The following SGCZ variants were observed in gnomAD, a reference collection of about 807,000 sequenced individuals.
The protein encoded by SGCZ is sarcoglycan zeta, also known as zeta-sarcoglycan.
SGCZ carries 40 observed loss-of-function variants against 41.3 expected under a neutral mutation model. The observed-to-expected ratio is 0.97, with a 90% CI of 0.75 to 1.26. SGCZ has a LOEUF of 1.26. Ranked by LOEUF, SGCZ falls within the 50% of genes most tolerant of loss-of-function variation. The pLI is 0.00. For synonymous variants in SGCZ, 206 were observed against 137.5 expected, an observed-to-expected ratio of 1.50 and a Z score of -3.49; for missense variants, 552 against 369.8, an observed-to-expected ratio of 1.49 and a Z score of -4.04.
chr8:14,796,159 G>C (rs888255946), intron 1 of SGCZ, among the ~76,000 whole-genome samples: 2 of 152,204 alleles, frequency 1.3e-5, no homozygotes, highest in African/African-American at 2.4e-5. Flanking sequence ...CTTTATAATA[G>C]AAGGGTTTAT....
intron 2 of SGCZ, among the ~76,000 whole-genome samples, chr8:14,398,485 AG>A (rs562216039): frequency 1.6e-4 from 25 of 152,286 alleles, no homozygotes; most frequent in African/African-American, 2.6e-4. Context: ...CAACAATTAT[AG>A]AACTTTATTT....
At chr8:14,291,363 C>T (rs939740824) in intron 3 of SGCZ, among the ~76,000 whole-genome samples, 16 of 151,946 alleles carry the variant, frequency 1.1e-4, no homozygotes, top group Admixed American at 2.0e-4. Flanking sequence ...ATTACCTTGA[C>T]TTCATCAATA....
intron 1 of SGCZ, among the ~76,000 whole-genome samples, chr8:14,635,770 T>C (rs1806806606): frequency 6.6e-6 from 1 of 151,868 alleles, no homozygotes; most frequent in South Asian, 2.1e-4. Flanking sequence ...GCACAGAGGG[T>C]CTTAGAACAT....
intron 3 of SGCZ, among the ~76,000 whole-genome samples, chr8:14,318,470 C>G (rs1342450179): frequency 6.6e-6 from 1 of 151,810 alleles, no homozygotes; most frequent in African/African-American, 2.4e-5. Context: ...AATCCCTACC[C>G]AAACCTAACC....
intron 1 of SGCZ, among the ~76,000 whole-genome samples, chr8:14,849,593 C>A (rs1191408434): frequency 2.0e-5 from 3 of 152,070 alleles, no homozygotes; most frequent in Non-Finnish European, 4.4e-5. Context: ...AAAATGCAAA[C>A]TAATCTATCA....
intron 1 of SGCZ, among the ~76,000 whole-genome samples, chr8:15,097,819 T>TATATATATATATAC (rs1585559576): frequency 5.3e-5 from 3 of 56,560 alleles, no homozygotes; most frequent in South Asian, 4.6e-4. Context: ...TATATACGTG[T>TATATATATATATAC]GTGTATATAT....
intron 7 of SGCZ, among the ~76,000 whole-genome samples, chr8:14,101,776 TAAA>T (rs879661919): frequency 7.1e-6 from 1 of 141,808 alleles, no homozygotes; most frequent in African/African-American, 2.6e-5. Flanking sequence ...TAACAAGAAT[TAAA>T]AAAAAAAAAA....
chr8:14,136,122 A>G (rs1803189623), intron 5 of SGCZ, among the ~76,000 whole-genome samples: 1 of 152,190 alleles, frequency 6.6e-6, no homozygotes, highest in African/African-American at 2.4e-5. Context: ...AAAAAGCACT[A>G]CATACCACAG....
intron 1 of SGCZ, among the ~76,000 whole-genome samples, chr8:15,218,757 T>C (rs1226436937): frequency 6.6e-6 from 1 of 152,232 alleles, no homozygotes; most frequent in East Asian, 1.9e-4. Flanking sequence ...GGATGGATAG[T>C]TCTGTGTGAA....
At chr8:14,219,727 C>T (rs913098212) in intron 4 of SGCZ, among the ~76,000 whole-genome samples, 5 of 147,828 alleles carry the variant, frequency 3.4e-5, no homozygotes, top group East Asian at 2.0e-4. Flanking sequence ...AGCCTGGCGA[C>T]AGAGTGAGAC....
chr8:15,229,544 C>T (rs1801881579), intron 1 of SGCZ, among the ~76,000 whole-genome samples: 1 of 152,120 alleles, frequency 6.6e-6, no homozygotes, highest in Non-Finnish European at 1.5e-5. Flanking sequence ...ACAACTAATT[C>T]TAGTAGTAAG....
chr8:14,238,592 G>C (rs1307913565), intron 3 of SGCZ, among the ~76,000 whole-genome samples: 1 of 152,102 alleles, frequency 6.6e-6, no homozygotes, highest in Non-Finnish European at 1.5e-5. Context: ...TCACATATTA[G>C]GCTTCTGTCA....
At chr8:15,172,834 A>C (rs115581456) in intron 1 of SGCZ, among the ~76,000 whole-genome samples, 2,072 of 152,334 alleles carry the variant, frequency 0.014, 51 homozygotes, top group African/African-American at 0.047. Context: ...ATTTTACCTG[A>C]ATTCTTCATA....
intron 2 of SGCZ, among the ~76,000 whole-genome samples, chr8:14,331,854 G>C (rs1164844381): frequency 6.6e-6 from 1 of 151,518 alleles, no homozygotes; most frequent in Non-Finnish European, 1.5e-5. Flanking sequence ...TTAAAAGCAT[G>C]ATAAAAAAAT....
At chr8:14,573,228 C>G (rs1335142843) in intron 1 of SGCZ, among the ~76,000 whole-genome samples, 1 of 125,060 alleles carries the variant, frequency 8.0e-6, no homozygotes, top group Non-Finnish European at 1.6e-5. Context: ...GACGGAGTCT[C>G]GCTCTGTCGC....
At chr8:14,759,008 C>CA (rs760673509) in intron 1 of SGCZ, among the ~76,000 whole-genome samples, 3,834 of 112,448 alleles carry the variant, frequency 0.034, 112 homozygotes, top group South Asian at 0.099. Flanking sequence ...AACTCCATCT[C>CA]AAAAAAAAAA....
intron 1 of SGCZ, among the ~76,000 whole-genome samples, chr8:14,817,315 C>T (rs974631233): frequency 8.6e-5 from 13 of 152,008 alleles, no homozygotes; most frequent in East Asian, 1.9e-4. Context: ...AGCAGATCTC[C>T]GGTGGTCATC....
At chr8:14,795,629 T>C (rs1801097787) in intron 1 of SGCZ, among the ~76,000 whole-genome samples, 1 of 152,158 alleles carries the variant, frequency 6.6e-6, no homozygotes, top group African/African-American at 2.4e-5. Context: ...GCCCTCATAT[T>C]AAAATGCAAA....
chr8:15,122,687 T>G (rs1474607665), intron 1 of SGCZ, among the ~76,000 whole-genome samples: 1 of 152,188 alleles, frequency 6.6e-6, no homozygotes, highest in Non-Finnish European at 1.5e-5. Flanking sequence ...GAAGGCCAAC[T>G]GTAAATGCTT....
Sources: allele counts gnomAD v4.1 joint callset (sites outside exome capture counted in the v4.1 genomes callset), GRCh38; gene constraint gnomAD v4.1.1; transcripts MANE v1.5; gene names NCBI Gene and HGNC (gene_info 2026-07-23, HGNC 2026-07-21).